The following TSN variants were observed in gnomAD, a reference collection of about 807,000 sequenced individuals.
The protein encoded by TSN is component 3 of promoter of RISC.
TSN carries 5 observed loss-of-function variants against 29.4 expected under a neutral mutation model. That is an observed-to-expected ratio of 0.17 (90% CI 0.09 to 0.36). The LOEUF (loss-of-function observed/expected upper bound fraction) is 0.36. Ranked by LOEUF, TSN falls within the 10% of genes least tolerant of loss-of-function variation. The pLI is 1.00. For synonymous variants in TSN, 106 were observed against 102.2 expected, an observed-to-expected ratio of 1.04 and a Z score of -0.23; for missense variants, 159 against 272.8, an observed-to-expected ratio of 0.58 and a Z score of 2.94.
intron 4 of TSN, among the ~76,000 whole-genome samples, chr2:121,762,184 G>T (rs1338952575): frequency 1.3e-5 from 2 of 151,816 alleles, no homozygotes; most frequent in Admixed American, 6.6e-5. Flanking sequence ...TAGAGATGAG[G>T]TTTCTCCATG....
Position 121,755,816 on chromosome 2 carries a change from T to A in TSN, c.37T>A (p.Phe13Ile). Residue 13 changes from phenylalanine to isoleucine, a missense_variant, in exon 1 of 6, where the codon TTT (phenylalanine) becomes ATT (isoleucine). Physicochemically the swap from Phe to Ile is conservative, Grantham distance 21. Transcript: ENST00000389682. ...VSEIFVELQG[F>I]LAAEQDIREE... Reference sequence around the variant, plus strand: ...CGAGATCTTCGTGGAGCTGCAGGGCTTTTTGGCTGCCGAGCAGGACATCCG... The same window carrying A: ...CGAGATCTTCGTGGAGCTGCAGGGCATTTTGGCTGCCGAGCAGGACATCCG... The A allele has an allele frequency of 3.1e-6, 5 of 1,613,922 alleles. No individual in the cohort carries two copies. The highest frequency in any genetic ancestry group is 4.2e-6 in the Non-Finnish European group (5 of 1,179,990).
In TSN at chr2:121,760,315, C is replaced by A. The variant is rs115820368; in HGVS notation, c.258-1094C>A. The stretch of plus-strand genomic sequence containing the variant: ...ACAGTTTCATCCTGAAACCATCCGC[C>A]CCCCTTCTGTGGAAAAATTGTCTTC... On this transcript the variant is annotated intron_variant, in intron 3 of 5. Coordinates refer to ENST00000389682, the MANE Select transcript of TSN (RefSeq NM_004622.3). Among the ~76,000 whole-genome samples the A allele has an allele frequency of 1.4e-3, 210 of 152,270 alleles. 1 individual carries two copies. Among genetic ancestry groups the A allele is most frequent in the African/African-American group, 4.9e-3 (205 of 41,548 alleles).
At chr2:121,763,597 C>G (rs2074863262) in intron 5 of TSN, among the ~76,000 whole-genome samples, 2 of 152,210 alleles carry the variant, frequency 1.3e-5, no homozygotes, top group Admixed American at 1.3e-4. Flanking sequence ...TGAGTGCATA[C>G]TTACTGAGTT....
At chr2:121,757,592 A>AT in intron 2 of TSN, 1 of 550,924 alleles carries the variant, frequency 1.8e-6, no homozygotes, top group Non-Finnish European at 3.1e-6. Context: ...AGAAAAAAAA[A>AT]GTGCAGCTCT....
intron 2 of TSN, 161 bp downstream of exon 2, chr2:121,757,494 C>G: frequency 7.4e-7 from 1 of 1,360,004 alleles, no homozygotes; most frequent in South Asian, 1.3e-5. Flanking sequence ...TCTTCCACTT[C>G]CACACAGTAT....
intron 2 of TSN, 156 bp downstream of exon 2, chr2:121,757,489 C>T: frequency 7.2e-7 from 1 of 1,381,994 alleles, no homozygotes; most frequent in East Asian, 2.5e-5. Flanking sequence ...ATTTTTCTTC[C>T]ACTTCCACAC....
At position 121,755,885 on chromosome 2, in the gene TSN, G is replaced by T. The variant is rs1048510995; in HGVS notation, c.66+40G>T. 9 of 1,612,350 alleles carry T rather than the reference G, an allele frequency of 5.6e-6. No homozygotes were observed. In the Admixed American group the frequency reaches 1.5e-4, roughly 27 times the overall value. On this transcript the variant is annotated intron_variant, in intron 1 of 5. Coordinates refer to ENST00000389682, the MANE Select transcript of TSN (RefSeq NM_004622.3). Reference sequence around the variant, plus strand: ...TTCCCCATTCCCTTTGCCTTTCCATGCCTAGTTGGGCCACTTCGCCCGGCC... The same window carrying T: ...TTCCCCATTCCCTTTGCCTTTCCATTCCTAGTTGGGCCACTTCGCCCGGCC...
intron 1 of TSN, chr2:121,756,092 T>C: frequency 1.3e-6 from 1 of 749,060 alleles, no homozygotes; most frequent in Non-Finnish European, 2.1e-6. Flanking sequence ...TTCCTTCTTT[T>C]CAGCACTTGT....
chr2:121,755,954 G>A (rs2074739903), intron 1 of TSN, 109 bp downstream of exon 1: 4 of 1,558,470 alleles, frequency 2.6e-6, no homozygotes, highest in South Asian at 1.1e-5. Context: ...GCCTCCGAGG[G>A]TGGGTTGCTT....
In TSN at chr2:121,756,642, T is replaced by A. The variant is rs750680461; in HGVS notation, c.67-598T>A. 4 of 1,297,950 alleles carry A rather than the reference T, an allele frequency of 3.1e-6. No individual in the cohort carries two copies. The African/African-American group carries it at 6.1e-5, about 20-fold the overall frequency. 80.4% of individuals were successfully genotyped at this position (1,297,950 alleles called of 1,614,324 possible). ...ATTAGAGGCGGGGAGCGGCGCCTCA[T>A]GCCTGTAATTCCAGCATTTTGGGAG... On this transcript the variant is annotated intron_variant, in intron 1 of 5. Coordinates refer to ENST00000389682, the MANE Select transcript of TSN (RefSeq NM_004622.3).
chr2:121,763,041 TAGA>T lies in TSN; in HGVS notation c.414_416del (p.Glu138del). The stretch of plus-strand genomic sequence containing the variant: ...CGGGAGAAAGGATTTCATCTGGATG[TAGA>T]AGATTATCTCTCAGGAGTTCTAATT... On this transcript the variant is annotated inframe_deletion, in exon 5 of 6. Transcript: ENST00000389682. The T allele has an allele frequency of 6.2e-7, 1 of 1,611,734 alleles. No homozygotes were observed.
At position 121,765,418 on chromosome 2, in the gene TSN, G is replaced by T; in HGVS notation, c.*51G>T. 6.4e-7 allele frequency: 1 copy of T among 1,565,534 alleles called. No individual in the cohort carries two copies. The highest frequency in any genetic ancestry group is 1.7e-5 in the Admixed American group (1 of 59,312). ...CTGACCTCAGCGGTTGCCAGGAAGG[G>T]GTGAGCACAGAGTGCCTCTTACGGT... On this transcript the variant is annotated 3_prime_UTR_variant, in exon 6 of 6. Transcript: ENST00000389682.
rs567072846 is a variant in TSN at position 121,763,185 on chromosome 2, T to C, written c.453+101T>C. ...TGAGACAGAGTCCCGCTCTGTCGCCTAGGCTGGAGTGCAGTGGCGCAATCT... is the reference window on the plus strand; with the variant it reads ...TGAGACAGAGTCCCGCTCTGTCGCCCAGGCTGGAGTGCAGTGGCGCAATCT... On this transcript the variant is annotated intron_variant, in intron 5 of 5. Transcript: ENST00000389682. 127 of 820,180 alleles carry C rather than the reference T, an allele frequency of 1.5e-4. 1 individual carries two copies. The highest frequency in any genetic ancestry group is 3.9e-4 in the Admixed American group (10 of 25,448). 50.8% of individuals were successfully genotyped at this position (820,180 alleles called of 1,614,324 possible).
rs1277340971 is a variant in TSN, at chr2:121,766,234, T to C, written c.*867T>C. 1 of 152,246 alleles carries C rather than the reference T, an allele frequency of 6.6e-6. No individual in the cohort carries two copies. Among genetic ancestry groups the C allele is most frequent in the Non-Finnish European group, 1.5e-5 (1 of 68,048 alleles). The allele number at this position is 152,246 out of a possible 1,614,324, so 9.4% of individuals were successfully genotyped here. A position where few individuals can be genotyped will look rare whatever the true frequency, so the allele number is the denominator to read the frequency against. On this transcript the variant is annotated 3_prime_UTR_variant, in exon 6 of 6. Transcript: ENST00000389682. ...GTATAAAGCCACCCACGTAAGTTAA[T>C]AAGCAAAATCCTGACTATTATGTTG...
intron 3 of TSN, among the ~76,000 whole-genome samples, chr2:121,759,368 G>T (rs908358469): frequency 6.6e-6 from 1 of 152,104 alleles, no homozygotes; most frequent in Non-Finnish European, 1.5e-5. Context: ...TAGCACTTTG[G>T]GAGGCCTAGG....
intron 4 of TSN, 71 bp from the exon 5 acceptor site, chr2:121,762,934 A>C: frequency 7.5e-7 from 1 of 1,341,158 alleles, no homozygotes; most frequent in Non-Finnish European, 1.0e-6. Flanking sequence ...GGGAGAAATT[A>C]TGTGTATATT....
rs1324480792 is a variant in TSN, at chr2:121,757,945, C to T, written c.160+612C>T. ...CCTCTCAAAGTGCTGGGATTACAGG[C>T]GTGAGCCACTGCACCTGGCCCAAGG... On this transcript the variant is annotated intron_variant, in intron 2 of 5. Transcript: ENST00000389682. Among the ~76,000 whole-genome samples, 4 of 152,052 alleles carry T rather than the reference C, an allele frequency of 2.6e-5. No homozygotes were observed. In the East Asian group the frequency reaches 7.7e-4, roughly 29 times the overall value.
At chr2:121,762,836 A>G (rs1457565816) in intron 4 of TSN, among the ~76,000 whole-genome samples, 169 bp from the exon 5 acceptor site, 2 of 152,252 alleles carry the variant, frequency 1.3e-5, no homozygotes, top group Non-Finnish European at 2.9e-5. Flanking sequence ...TAAGAACTCA[A>G]AAAATCCATA....
Position 121,766,702 on chromosome 2 carries a change from C to G in TSN, c.*1335C>G, listed in dbSNP as rs188406201. 1 of 152,310 alleles carries G rather than the reference C, an allele frequency of 6.6e-6. No individual in the cohort carries two copies. The highest frequency in any genetic ancestry group is 2.4e-5 in the African/African-American group (1 of 41,570). 9.4% of individuals were successfully genotyped at this position (152,310 alleles called of 1,614,324 possible). ...GGTGACTTAATCCGTAGTTATTTTGCACCCACTGAAAGGAAAGTGCTTTCC... is the reference window on the plus strand; with the variant it reads ...GGTGACTTAATCCGTAGTTATTTTGGACCCACTGAAAGGAAAGTGCTTTCC... On this transcript the variant is annotated 3_prime_UTR_variant, in exon 6 of 6. Transcript: ENST00000389682.
Sources: gnomAD v4.1 joint callset for allele counts (sites outside exome capture counted in the v4.1 genomes callset) on GRCh38, gnomAD v4.1.1 for gene constraint, MANE v1.5 for transcripts, NCBI Gene and HGNC (gene_info 2026-07-23, HGNC 2026-07-21) for gene names.